DSCAML1: variants seen among roughly 807,000 people sequenced by gnomAD.
The protein encoded by DSCAML1 is cell adhesion molecule DSCAML1.
A neutral mutation model predicts 200.5 loss-of-function variants in DSCAML1; 38 were observed. The observed-to-expected ratio is 0.19, with a 90% CI of 0.15 to 0.25. The LOEUF (loss-of-function observed/expected upper bound fraction) is 0.25. Ranked by LOEUF, DSCAML1 falls within the 10% of genes least tolerant of loss-of-function variation. The probability of loss-of-function intolerance (pLI) is 1.00; values close to 1 mark genes in which losing one functional copy is unlikely to be tolerated. For missense variants in DSCAML1, 2,223 were observed against 2,858.8 expected, an observed-to-expected ratio of 0.78 and a Z score of 5.07; for synonymous variants, 1,215 against 1,165.0, an observed-to-expected ratio of 1.04 and a Z score of -0.87.
chr11:117,556,729 C>T (rs959961447), intron 3 of DSCAML1, among the ~76,000 whole-genome samples: 1 of 152,192 alleles, frequency 6.6e-6, no homozygotes, highest in African/African-American at 2.4e-5. Flanking sequence ...TGGGTGTAAC[C>T]ATGTCCTTGG....
intron 3 of DSCAML1, among the ~76,000 whole-genome samples, chr11:117,648,954 TA>T (rs1453108363): frequency 2.0e-5 from 3 of 151,960 alleles, no homozygotes; most frequent in African/African-American, 7.3e-5. Context: ...AAATAACAAC[TA>T]AATCTTAAGC....
intron 3 of DSCAML1, among the ~76,000 whole-genome samples, chr11:117,575,747 A>G (rs1467213606): frequency 1.3e-5 from 2 of 152,024 alleles, no homozygotes; most frequent in Non-Finnish European, 2.9e-5. Flanking sequence ...TGGGAGGATC[A>G]CTCAAACCCG....
At chr11:117,458,934 G>A in intron 18 of DSCAML1, 25 bp from the exon 19 acceptor site, 1 of 1,608,904 alleles carries the variant, frequency 6.2e-7, no homozygotes, top group Non-Finnish European at 8.5e-7. Context: ...CAAACTCTGA[G>A]GACCCAGCTC....
At chr11:117,638,735 T>A (rs2137588495) in intron 3 of DSCAML1, among the ~76,000 whole-genome samples, 1 of 152,344 alleles carries the variant, frequency 6.6e-6, no homozygotes, top group South Asian at 2.1e-4. Context: ...CAAATAATAT[T>A]CCATTGTCTG....
At chr11:117,767,770 G>A (rs951994462) in intron 3 of DSCAML1, among the ~76,000 whole-genome samples, 1 of 152,208 alleles carries the variant, frequency 6.6e-6, no homozygotes, top group Non-Finnish European at 1.5e-5. Context: ...CCATGCCCAA[G>A]CCTTGCCACT....
At chr11:117,561,575 TCTC>T (rs1196203282) in intron 3 of DSCAML1, among the ~76,000 whole-genome samples, 1 of 151,156 alleles carries the variant, frequency 6.6e-6, no homozygotes, top group Admixed American at 6.6e-5. Flanking sequence ...CGCCCCTTGT[TCTC>T]CTCTCCTCTC....
intron 3 of DSCAML1, among the ~76,000 whole-genome samples, chr11:117,542,261 A>G (rs981016270): frequency 6.6e-6 from 1 of 152,296 alleles, no homozygotes; most frequent in Middle Eastern, 3.4e-3. Flanking sequence ...GCATGACTGC[A>G]TTTCAGCTGG....
At chr11:117,457,152 T>A (rs555014087) in intron 19 of DSCAML1, among the ~76,000 whole-genome samples, 46 of 152,328 alleles carry the variant, frequency 3.0e-4, no homozygotes, top group African/African-American at 1.1e-3. Flanking sequence ...GCTGGGGGCA[T>A]GCACTTCCGC....
intron 3 of DSCAML1, among the ~76,000 whole-genome samples, chr11:117,616,268 G>A (rs1040670701): frequency 6.6e-6 from 1 of 152,184 alleles, no homozygotes; most frequent in Non-Finnish European, 1.5e-5. Context: ...ACCACTTATG[G>A]GAGAGTCAGA....
intron 11 of DSCAML1, among the ~76,000 whole-genome samples, chr11:117,488,413 ACT>A (rs1358715044): frequency 1.3e-5 from 2 of 151,912 alleles, no homozygotes; most frequent in East Asian, 1.9e-4. Context: ...ACAAGATTGA[ACT>A]CTCTCTATAT....
intron 3 of DSCAML1, among the ~76,000 whole-genome samples, chr11:117,684,555 C>CAGAGAGAG (rs143050500): frequency 1.5e-3 from 226 of 145,922 alleles, no homozygotes; most frequent in African/African-American, 5.3e-3. Context: ...TAGCAAAGAG[C>CAGAGAGAG]AGAGAGAGAG....
At position 117,739,684 on chromosome 11, in the gene DSCAML1, A is replaced by G. The variant is rs149922258; in HGVS notation, c.511+37107T>C. Reference sequence around the variant, plus strand: ...GTGTGCACTGTACGACTCAAAGGCAACAGTGCCCCTGAAGATGGGCTGCAT... The same window carrying G: ...GTGTGCACTGTACGACTCAAAGGCAGCAGTGCCCCTGAAGATGGGCTGCAT... On this transcript the variant is annotated intron_variant, in intron 3 of 32. Transcript: ENST00000651296. Among the ~76,000 whole-genome samples, 13 of 152,336 alleles carry G rather than the reference A, an allele frequency of 8.5e-5. No individual in the cohort carries two copies. In the East Asian group the frequency reaches 2.5e-3, roughly 29 times the overall value.
At chr11:117,586,255 C>G (rs1432479333) in intron 3 of DSCAML1, among the ~76,000 whole-genome samples, 1 of 151,656 alleles carries the variant, frequency 6.6e-6, no homozygotes, top group Non-Finnish European at 1.5e-5. Flanking sequence ...TAACCCCCTC[C>G]TCCAGCCGTG....
At chr11:117,769,648 G>A (rs1467057284) in intron 3 of DSCAML1, among the ~76,000 whole-genome samples, 2 of 144,474 alleles carry the variant, frequency 1.4e-5, no homozygotes, top group Non-Finnish European at 3.0e-5. Flanking sequence ...CACAGATGAT[G>A]GAGTCTGAAT....
intron 11 of DSCAML1, among the ~76,000 whole-genome samples, chr11:117,499,658 G>A (rs925250422): frequency 1.3e-5 from 2 of 152,210 alleles, no homozygotes; most frequent in Non-Finnish European, 2.9e-5. Context: ...GTATGGGAAC[G>A]GCTTTGTAAA....
intron 20 of DSCAML1, among the ~76,000 whole-genome samples, chr11:117,445,526 T>C (rs2137103458): frequency 6.6e-6 from 1 of 152,372 alleles, no homozygotes; most frequent in South Asian, 2.1e-4. Flanking sequence ...TTCTGGACGC[T>C]GTTTTCTCTC....
In DSCAML1 at chr11:117,480,309, G is replaced by A. The variant is rs545723174; in HGVS notation, c.2785+134C>T. Reference sequence around the variant, plus strand: ...AGAAGCCACAGCTGCTTGTGCACTGGTGGGTGCTTGTGTGTCTAGCTTGGA... The same window carrying A: ...AGAAGCCACAGCTGCTTGTGCACTGATGGGTGCTTGTGTGTCTAGCTTGGA... On this transcript the variant is annotated intron_variant, in intron 14 of 32. Transcript: ENST00000651296. The surrounding 1 kb of genome is among the most constrained non-coding windows in gnomAD (Gnocchi z 4.1). 1,597 of 1,355,026 alleles carry A rather than the reference G, an allele frequency of 1.2e-3. 3 individuals are homozygous for A. Among genetic ancestry groups the A allele is most frequent in the Non-Finnish European group, 1.5e-3 (1,509 of 991,804 alleles). 83.9% of individuals were successfully genotyped at this position (1,355,026 alleles called of 1,614,324 possible).
At chr11:117,467,939 A>G (rs1850047863) in intron 16 of DSCAML1, among the ~76,000 whole-genome samples, 1 of 152,192 alleles carries the variant, frequency 6.6e-6, no homozygotes, top group African/African-American at 2.4e-5. Context: ...AGCTATGTAT[A>G]CCATGATATA....
intron 3 of DSCAML1, among the ~76,000 whole-genome samples, chr11:117,617,751 G>A (rs1387965995): frequency 2.7e-5 from 4 of 150,674 alleles, no homozygotes; most frequent in Admixed American, 6.6e-5. Flanking sequence ...CTGAAGCACC[G>A]TGACCCAGAA....
Sources: allele counts gnomAD v4.1 joint callset (sites outside exome capture counted in the v4.1 genomes callset), GRCh38; gene constraint gnomAD v4.1.1; non-coding constraint Gnocchi (gnomAD v3.1); transcripts MANE v1.5; gene names NCBI Gene and HGNC (gene_info 2026-07-23, HGNC 2026-07-21).